Variants in AGAP1 observed in about 807,000 individuals in gnomAD.
AGAP1 encodes the protein arf-GAP with GTPase, ANK repeat and PH domain-containing protein 1.
A neutral mutation model predicts 105.3 loss-of-function variants in AGAP1; 29 were observed. The ratio of observed to expected loss-of-function variants is 0.28; its 90% CI spans 0.21 to 0.38. AGAP1 has a LOEUF of 0.38. Ranked by LOEUF, AGAP1 falls within the 10% of genes least tolerant of loss-of-function variation. The pLI, the probability that AGAP1 is intolerant of heterozygous loss-of-function variation, is 1.00. For missense variants in AGAP1, 998 were observed against 1,165.1 expected (o/e 0.86, Z 2.09); for synonymous variants, 509 against 485.9 (o/e 1.05, Z -0.63).
chr2:235,740,852 C>T lies in AGAP1; in HGVS notation c.311-111C>T. ...TGGCAACATCCTAAATACTCAGTTG[C>T]CTCCAGGGCGACAGCCTAGGGTGTA... On this transcript the variant is annotated intron_variant, in intron 3 of 17. Transcript: ENST00000304032. This position sits in a 1 kb window ranked among gnomAD's most constrained non-coding sequence, Gnocchi z 5.7. 2 of 1,241,042 alleles carry T rather than the reference C, an allele frequency of 1.6e-6. No individual in the cohort carries two copies. The highest frequency in any genetic ancestry group is 2.4e-5 in the East Asian group (1 of 42,086). The allele number at this position is 1,241,042 out of a possible 1,614,324, so 76.9% of individuals were successfully genotyped here. A position where few individuals can be genotyped will look rare whatever the true frequency, so the allele number is the denominator to read the frequency against.
Position 235,607,188 on chromosome 2 carries a change from C to T in AGAP1, c.164-101991C>T, listed in dbSNP as rs550110047. 2.7e-4 allele frequency among the ~76,000 whole-genome samples: 41 copies of T among 151,946 alleles called. No homozygotes were observed. The East Asian group carries it at 5.0e-3, about 19-fold the overall frequency. On this transcript the variant is annotated intron_variant, in intron 1 of 17. Transcript: ENST00000304032. ...GTTCGTTTGTTTCCAAATCCAGAGC[C>T]CCCCCTTCCCTGCCCAGACCCAGGG...
chr2:235,814,058 G>A (rs1034350098), intron 9 of AGAP1, among the ~76,000 whole-genome samples: 8 of 152,180 alleles, frequency 5.3e-5, no homozygotes, highest in Non-Finnish European at 1.0e-4. Context: ...ACGCCCAGCC[G>A]CCTGTGTGTG....
At position 235,734,688 on chromosome 2, in the gene AGAP1, G is replaced by C. The variant is rs1298238737; in HGVS notation, c.311-6275G>C. Among the ~76,000 whole-genome samples the C allele has an allele frequency of 1.3e-5, 2 of 152,214 alleles. No homozygotes were observed. Among genetic ancestry groups the C allele is most frequent in the African/African-American group, 4.8e-5 (2 of 41,444 alleles). On this transcript the variant is annotated intron_variant, in intron 3 of 17. Transcript: ENST00000304032. The surrounding 1 kb of genome is among the most constrained non-coding windows in gnomAD (Gnocchi z 5.3). The stretch of plus-strand genomic sequence containing the variant: ...AGGCCACCCTTCCCAAGTGTGAGTG[G>C]AGTAAGGATAAGATAGTCCCGCCTC...
chr2:235,811,302 A>T (rs144633491), intron 9 of AGAP1, among the ~76,000 whole-genome samples: 2 of 152,244 alleles, frequency 1.3e-5, no homozygotes, highest in Admixed American at 6.5e-5. Flanking sequence ...AAACCGTTCA[A>T]GACTTGCCTT....
rs778903333 is a variant in AGAP1 at position 235,799,516 on chromosome 2, G to C, written c.951G>C (p.Leu317=). The part of the protein sequence containing the change: ...VRKQSKRRSN[L]FTSRKGSDPD... ...AGCAGTCTAAGCGCCGGTCCAACCT[G>C]TTCACCGTGAGTGTCAACCCTGGGT... The change falls in exon 8 of 18, where the codon CTG becomes CTC. Residue 317 remains leucine, a synonymous_variant. Coordinates refer to ENST00000304032, the MANE Select transcript of AGAP1 (RefSeq NM_001037131.3). This position sits in a 1 kb window ranked among gnomAD's most constrained non-coding sequence, Gnocchi z 5.0. 3.7e-6 allele frequency: 6 copies of C among 1,613,850 alleles called. No individual in the cohort carries two copies. The African/African-American group carries it at 8.0e-5, about 22-fold the overall frequency.
At position 235,667,712 on chromosome 2, in the gene AGAP1, G is replaced by A. The variant is rs564298091; in HGVS notation, c.164-41467G>A. 9.9e-5 allele frequency among the ~76,000 whole-genome samples: 15 copies of A among 152,250 alleles called. No individual in the cohort carries two copies. The Middle Eastern group carries it at 0.01, about 104-fold the overall frequency. On this transcript the variant is annotated intron_variant, in intron 1 of 17. Coordinates refer to ENST00000304032, the MANE Select transcript of AGAP1 (RefSeq NM_001037131.3). ...GTGGTGGCTCACGCCTGTAATCCCAGCACTCTGGGAGGCTGAGGTGGGCAG... is the reference window on the plus strand; with the variant it reads ...GTGGTGGCTCACGCCTGTAATCCCAACACTCTGGGAGGCTGAGGTGGGCAG...
chr2:235,676,901 CAG>C (rs1948770877), intron 1 of AGAP1, among the ~76,000 whole-genome samples: 1 of 152,272 alleles, frequency 6.6e-6, no homozygotes, highest in East Asian at 1.9e-4. Flanking sequence ...TGATTAAGAA[CAG>C]AATTGGTATT....
rs973004895 is a variant in AGAP1 at position 235,787,229 on chromosome 2, G to A, written c.674-10530G>A. Among the ~76,000 whole-genome samples the A allele has an allele frequency of 7.2e-5, 11 of 152,210 alleles. No homozygotes were observed. Among genetic ancestry groups the A allele is most frequent in the African/African-American group, 2.7e-4 (11 of 41,458 alleles). On this transcript the variant is annotated intron_variant, in intron 6 of 17. Transcript: ENST00000304032. The surrounding 1 kb of genome is among the most constrained non-coding windows in gnomAD (Gnocchi z 4.4). The stretch of plus-strand genomic sequence containing the variant: ...CTTGGCTGCTGCTTCCAAACCATGT[G>A]GGTTTCCTATGTCATGAAAGCTTTT...
intron 1 of AGAP1, chr2:235,670,259 G>GC: frequency 2.0e-6 from 1 of 508,150 alleles, no homozygotes; most frequent in Non-Finnish European, 3.5e-6. Flanking sequence ...CCCACGCCCG[G>GC]TTCGGCGGCC....
At chr2:235,539,010 G>C (rs1405389296) in intron 1 of AGAP1, among the ~76,000 whole-genome samples, 2 of 152,024 alleles carry the variant, frequency 1.3e-5, no homozygotes, top group Non-Finnish European at 2.9e-5. Flanking sequence ...GTTTTATATT[G>C]TACCTTCTTG....
intron 1 of AGAP1, among the ~76,000 whole-genome samples, chr2:235,653,290 A>C (rs11686353): frequency 0.22 from 33,237 of 151,380 alleles, 4,227 homozygotes; most frequent in South Asian, 0.37. Flanking sequence ...ACGGTGAAAC[A>C]CTGTCTCTCC....
In AGAP1 at chr2:235,793,573, A is replaced by G. The variant is rs1028946433; in HGVS notation, c.674-4186A>G. Among the ~76,000 whole-genome samples the G allele has an allele frequency of 1.3e-5, 2 of 152,122 alleles. No homozygotes were observed. Among genetic ancestry groups the G allele is most frequent in the Non-Finnish European group, 2.9e-5 (2 of 68,032 alleles). On this transcript the variant is annotated intron_variant, in intron 6 of 17. Transcript: ENST00000304032. The surrounding 1 kb of genome is among the most constrained non-coding windows in gnomAD (Gnocchi z 5.3). ...TGCTGCCTGGTTTTTCTCACCTGCA[A>G]AATGAAAGAGCTGACAGGATGAAAT...
intron 6 of AGAP1, among the ~76,000 whole-genome samples, chr2:235,759,368 A>G (rs1954229856): frequency 1.3e-5 from 2 of 151,086 alleles, no homozygotes; most frequent in South Asian, 4.2e-4. Context: ...ACGGGCTTTC[A>G]CCGTGTTAGC....
At chr2:235,810,352 G>A (rs59323177) in intron 9 of AGAP1, among the ~76,000 whole-genome samples, 2,358 of 152,200 alleles carry the variant, frequency 0.015, 46 homozygotes, top group African/African-American at 0.053. Context: ...GAAAGACTCG[G>A]GTCTGCATGA....
At chr2:236,117,176 A>G (rs982061080) in intron 16 of AGAP1, among the ~76,000 whole-genome samples, 2 of 152,168 alleles carry the variant, frequency 1.3e-5, no homozygotes, top group Non-Finnish European at 2.9e-5. Flanking sequence ...GAATCTCCAC[A>G]CTGTTTTCCA....
chr2:235,808,714 A>G (rs1319775800), intron 9 of AGAP1, among the ~76,000 whole-genome samples: 2 of 152,196 alleles, frequency 1.3e-5, no homozygotes, highest in Non-Finnish European at 2.9e-5. Flanking sequence ...TCAGGCATCT[A>G]TGTAAGATAC....
At chr2:235,509,566 C>T (rs1380638320) in intron 1 of AGAP1, among the ~76,000 whole-genome samples, 1 of 152,078 alleles carries the variant, frequency 6.6e-6, no homozygotes, top group Non-Finnish European at 1.5e-5. Flanking sequence ...AACTCCAACT[C>T]TTGAAAGTTT....
intron 12 of AGAP1, among the ~76,000 whole-genome samples, chr2:235,945,690 G>A (rs1175883885): frequency 1.3e-5 from 2 of 151,920 alleles, no homozygotes; most frequent in African/African-American, 4.8e-5. Flanking sequence ...GTGGGTACCT[G>A]TATGAATCCG....
At chr2:235,497,215 G>C (rs1941355683) in intron 1 of AGAP1, among the ~76,000 whole-genome samples, 1 of 152,162 alleles carries the variant, frequency 6.6e-6, no homozygotes, top group Admixed American at 6.5e-5. Flanking sequence ...ACATTTGACT[G>C]AGGTGGTTTG....
Sources: gnomAD v4.1 joint callset for allele counts (sites outside exome capture counted in the v4.1 genomes callset) on GRCh38, gnomAD v4.1.1 for gene constraint, Gnocchi (gnomAD v3.1) non-coding constraint, MANE v1.5 for transcripts, NCBI Gene and HGNC (gene_info 2026-07-23, HGNC 2026-07-21) for gene names.